The following STXBP5L variants were observed in gnomAD, a reference collection of about 807,000 sequenced individuals.
STXBP5L encodes syntaxin-binding protein 5-like.
A neutral mutation model predicts 144.5 loss-of-function variants in STXBP5L; 65 were observed. The observed-to-expected ratio is 0.45, with a 90% CI of 0.37 to 0.55. The LOEUF is 0.55. Ranked by LOEUF, STXBP5L falls within the 20% of genes least tolerant of loss-of-function variation. The pLI, the probability that STXBP5L is intolerant of heterozygous loss-of-function variation, is 0.00. For missense variants in STXBP5L, 1,298 were observed against 1,405.5 expected (o/e 0.92, Z 1.22); for synonymous variants, 505 against 469.6 (o/e 1.08, Z -0.97).
chr3:121,132,646 A>T (rs776720271), intron 7 of STXBP5L, among the ~76,000 whole-genome samples: 1 of 152,210 alleles, frequency 6.6e-6, no homozygotes, highest in African/African-American at 2.4e-5. Flanking sequence ...TAAACAAAGA[A>T]TAAGATAATG....
At chr3:121,115,229 T>G (rs2044181454) in intron 6 of STXBP5L, among the ~76,000 whole-genome samples, 170 bp downstream of exon 6, 1 of 152,162 alleles carries the variant, frequency 6.6e-6, no homozygotes, top group African/African-American at 2.4e-5. Context: ...AAATAGATAT[T>G]ACAATATTTT....
intron 6 of STXBP5L, among the ~76,000 whole-genome samples, chr3:121,115,723 C>T (rs577316613): frequency 3.2e-4 from 48 of 152,202 alleles, no homozygotes; most frequent in African/African-American, 1.1e-3. Context: ...ACAGGCTTTA[C>T]AGGAAGCATG....
At chr3:120,974,042 T>G (rs1004206281) in intron 3 of STXBP5L, among the ~76,000 whole-genome samples, 1 of 151,170 alleles carries the variant, frequency 6.6e-6, no homozygotes, top group East Asian at 2.0e-4. Flanking sequence ...TTTATAGTCC[T>G]TTGGGTATAT....
intron 10 of STXBP5L, among the ~76,000 whole-genome samples, chr3:121,217,084 G>A (rs868521889): frequency 4.6e-5 from 7 of 152,208 alleles, no homozygotes; most frequent in Middle Eastern, 3.2e-3. Context: ...CTGGCAGCGA[G>A]AATTTCAAAC....
At chr3:121,239,162 C>T (rs1187622964) in intron 13 of STXBP5L, 44 bp downstream of exon 13, 2 of 1,134,912 alleles carry the variant, frequency 1.8e-6, no homozygotes, top group Admixed American at 5.2e-5. Flanking sequence ...ATTCATATCA[C>T]ATGATCATAC....
intron 20 of STXBP5L, among the ~76,000 whole-genome samples, chr3:121,342,353 T>C (rs940640923): frequency 6.6e-6 from 1 of 152,104 alleles, no homozygotes; most frequent in African/African-American, 2.4e-5. Context: ...ACTATTTTTT[T>C]ATTATTATTA....
intron 2 of STXBP5L, among the ~76,000 whole-genome samples, chr3:120,919,151 C>A (rs374824813): frequency 8.3e-4 from 126 of 152,116 alleles, no homozygotes; most frequent in Non-Finnish European, 1.5e-3. Flanking sequence ...GGTGGATTCT[C>A]AACGTTACTG....
intron 22 of STXBP5L, among the ~76,000 whole-genome samples, chr3:121,400,669 C>A (rs1431569654): frequency 5.9e-5 from 9 of 152,182 alleles, no homozygotes; most frequent in Non-Finnish European, 8.8e-5. Flanking sequence ...TGCAAGCATT[C>A]TCAAGCTGCA....
At chr3:121,013,855 G>T (rs111667751) in intron 3 of STXBP5L, among the ~76,000 whole-genome samples, 1 of 151,994 alleles carries the variant, frequency 6.6e-6, no homozygotes, top group African/African-American at 2.4e-5. Context: ...TTCTACATAT[G>T]GTTAGTCAGT....
Position 121,407,674 on chromosome 3 carries a change from G to A in STXBP5L, c.2948+71G>A, listed in dbSNP as rs563989007. On this transcript the variant is annotated intron_variant, in intron 23 of 26. Transcript: ENST00000471454. ...CAAGGTACAATCCTAAAAAATATAT[G>A]TGTTATGTGCAGATGTTATCAAGAA... 33 of 1,583,334 alleles carry A rather than the reference G, an allele frequency of 2.1e-5. No homozygotes were observed. The African/African-American group carries it at 2.7e-4, about 13-fold the overall frequency.
At chr3:121,038,364 A>G (rs1237415939) in intron 3 of STXBP5L, among the ~76,000 whole-genome samples, 2 of 151,826 alleles carry the variant, frequency 1.3e-5, no homozygotes, top group Admixed American at 6.6e-5. Flanking sequence ...ACTGTTTTTT[A>G]TCAATGCTTA....
chr3:121,265,484 A>G (rs2108403466), intron 18 of STXBP5L, among the ~76,000 whole-genome samples: 1 of 152,366 alleles, frequency 6.6e-6, no homozygotes, highest in South Asian at 2.1e-4. Context: ...GTTTAGAGGG[A>G]CATTTACAGC....
At chr3:121,204,071 CT>C (rs1208030313) in intron 9 of STXBP5L, among the ~76,000 whole-genome samples, 4 of 152,082 alleles carry the variant, frequency 2.6e-5, no homozygotes, top group African/African-American at 9.7e-5. Context: ...AATTCTGTCT[CT>C]ACTAAAAATA....
chr3:121,183,394 G>A (rs928771117), intron 9 of STXBP5L, among the ~76,000 whole-genome samples: 18 of 152,176 alleles, frequency 1.2e-4, no homozygotes, highest in Middle Eastern at 3.4e-3. Flanking sequence ...CTAGAAAACC[G>A]TAAAGACTAA....
chr3:120,977,797 T>C (rs528933462), intron 3 of STXBP5L, among the ~76,000 whole-genome samples: 2 of 152,134 alleles, frequency 1.3e-5, no homozygotes, highest in South Asian at 4.1e-4. Context: ...TTCTCCTTCA[T>C]TTATGAAGCT....
At chr3:121,244,858 G>A (rs180779060) in intron 14 of STXBP5L, among the ~76,000 whole-genome samples, 6 of 152,124 alleles carry the variant, frequency 3.9e-5, no homozygotes, top group African/African-American at 9.6e-5. Flanking sequence ...AAATGAAGGA[G>A]CAATAAGACC....
intron 1 of STXBP5L, chr3:120,909,168 C>T (rs1708695233): frequency 6.4e-6 from 1 of 156,272 alleles, no homozygotes; most frequent in Non-Finnish European, 1.4e-5. Context: ...GAAAGTCCGC[C>T]CTTAAGAGAG....
intron 3 of STXBP5L, among the ~76,000 whole-genome samples, chr3:121,029,869 A>G (rs113036410): frequency 1.3e-5 from 2 of 152,242 alleles, no homozygotes; most frequent in African/African-American, 4.8e-5. Flanking sequence ...TGGGCAAAGG[A>G]TATGAACAGA....
At chr3:120,984,028 C>T (rs1325233485) in intron 3 of STXBP5L, among the ~76,000 whole-genome samples, 1 of 152,148 alleles carries the variant, frequency 6.6e-6, no homozygotes. Flanking sequence ...TTGCTGTGAT[C>T]AGCATCCTGC....
Sources: gnomAD v4.1 joint callset for allele counts (sites outside exome capture counted in the v4.1 genomes callset) on GRCh38, gnomAD v4.1.1 for gene constraint, MANE v1.5 for transcripts, NCBI Gene and HGNC (gene_info 2026-07-23, HGNC 2026-07-21) for gene names.